The following DMXL2 variants were observed in gnomAD, a reference collection of about 807,000 sequenced individuals.
The protein encoded by DMXL2 is Dmx like 2, also known as dmX-like protein 2.
In DMXL2, 103 loss-of-function variants were observed where a neutral mutation model predicts 331.1. The ratio of observed to expected loss-of-function variants is 0.31; its 90% CI spans 0.27 to 0.37. The LOEUF (loss-of-function observed/expected upper bound fraction) is 0.37. DMXL2 is among the 10% of genes least tolerant of loss of function. DMXL2 has a pLI of 1.00. For missense variants in DMXL2, 3,171 were observed against 3,642.9 expected (o/e 0.87, Z 3.33); for synonymous variants, 1,281 against 1,252.1 (o/e 1.02, Z -0.49).
At chr15:51,485,053 G>C (rs1381552576) in intron 23 of DMXL2, among the ~76,000 whole-genome samples, 1 of 141,424 alleles carries the variant, frequency 7.1e-6, no homozygotes, top group African/African-American at 2.6e-5. Context: ...AAAAAAAAAG[G>C]AAGAAGGAGG....
At chr15:51,566,239 GTGTGTGT>G (rs2050274944) in intron 3 of DMXL2, among the ~76,000 whole-genome samples, 6 of 7,132 alleles carry the variant, frequency 8.4e-4, no homozygotes, top group Admixed American at 2.1e-3. Flanking sequence ...TGGGGTGTGT[GTGTGTGT>G]GTGTGTGTGT....
intron 19 of DMXL2, among the ~76,000 whole-genome samples, chr15:51,492,568 G>A (rs569411762): frequency 2.6e-5 from 4 of 152,014 alleles, no homozygotes; most frequent in East Asian, 3.8e-4. Flanking sequence ...CTTTACTGAC[G>A]CTATTAGACT....
At chr15:51,598,110 T>C (rs1391267542) in intron 1 of DMXL2, among the ~76,000 whole-genome samples, 1 of 152,198 alleles carries the variant, frequency 6.6e-6, no homozygotes, top group East Asian at 1.9e-4. Context: ...AGTTCCTAAT[T>C]TTAAAGTAGT....
intron 6 of DMXL2, among the ~76,000 whole-genome samples, chr15:51,561,608 T>C (rs543724024): frequency 6.6e-6 from 1 of 152,312 alleles, no homozygotes; most frequent in South Asian, 2.1e-4. Flanking sequence ...CCAGTGGTTA[T>C]GGAAAACAGT....
chr15:51,495,751 A>G (rs2043128639), intron 18 of DMXL2, among the ~76,000 whole-genome samples: 1 of 152,168 alleles, frequency 6.6e-6, no homozygotes, highest in African/African-American at 2.4e-5. Context: ...CCACTGCTGG[A>G]TAAAAGCAAA....
intron 36 of DMXL2, chr15:51,457,729 A>C: frequency 2.8e-6 from 1 of 360,120 alleles, no homozygotes; most frequent in Middle Eastern, 7.7e-4. Context: ...GTTGTTATCT[A>C]TGGAAAAATA....
chr15:51,476,105 G>A (rs540190266), intron 27 of DMXL2, among the ~76,000 whole-genome samples: 4 of 152,250 alleles, frequency 2.6e-5, no homozygotes, highest in African/African-American at 9.6e-5. Flanking sequence ...GAGTGGAGAA[G>A]TTTTGAAACA....
chr15:51,526,360 C>G (rs1417520834), intron 13 of DMXL2, among the ~76,000 whole-genome samples: 1 of 152,144 alleles, frequency 6.6e-6, no homozygotes, highest in East Asian at 1.9e-4. Context: ...TGGGGTCCCC[C>G]CAAAGCAGAT....
chr15:51,465,123 T>C (rs1051494510), intron 31 of DMXL2, among the ~76,000 whole-genome samples: 4 of 152,176 alleles, frequency 2.6e-5, no homozygotes, highest in African/African-American at 9.7e-5. Flanking sequence ...AAGCCAGGTG[T>C]GGTGGCTCAC....
chr15:51,608,152 T>C (rs539447533), intron 1 of DMXL2, among the ~76,000 whole-genome samples: 1 of 150,796 alleles, frequency 6.6e-6, no homozygotes, highest in Admixed American at 6.6e-5. Flanking sequence ...ACCACTACAC[T>C]CCAGCCTGGG....
intron 35 of DMXL2, 32 bp from the exon 36 acceptor site, chr15:51,458,659 G>A: frequency 6.2e-7 from 1 of 1,613,830 alleles, no homozygotes; most frequent in Non-Finnish European, 8.5e-7. Context: ...GATGATTTAA[G>A]CAATTTCACT....
At chr15:51,532,036 A>C (rs1316977576) in intron 13 of DMXL2, among the ~76,000 whole-genome samples, 1 of 152,142 alleles carries the variant, frequency 6.6e-6, no homozygotes, top group Non-Finnish European at 1.5e-5. Context: ...TACCCAAAAG[A>C]ACGAAAATTG....
intron 34 of DMXL2, chr15:51,459,031 T>C: frequency 2.1e-6 from 1 of 475,138 alleles, no homozygotes; most frequent in Admixed American, 3.5e-5. Flanking sequence ...GGTAAGATAC[T>C]GATTAATTAT....
In DMXL2 at chr15:51,597,621, G is replaced by A. The variant is rs117242874; in HGVS notation, c.88-21440C>T. Among the ~76,000 whole-genome samples the A allele has an allele frequency of 2.5e-4, 38 of 152,230 alleles. 1 individual carries two copies. The East Asian group carries it at 3.9e-3, about 15-fold the overall frequency. The stretch of plus-strand genomic sequence containing the variant: ...ATGAACATTCTTGTAGGGAAATCTC[G>A]CATACGTGCATGCATTTCTCTAGAA... On this transcript the variant is annotated intron_variant, in intron 1 of 43. Transcript: ENST00000560891.
intron 10 of DMXL2, 61 bp from the exon 11 acceptor site, chr15:51,537,820 A>G (rs2048368223): frequency 1.4e-6 from 2 of 1,475,616 alleles, no homozygotes; most frequent in East Asian, 4.8e-5. Context: ...ATACTAGACT[A>G]TAAATAAATG....
At chr15:51,612,436 T>G (rs2054033609) in intron 1 of DMXL2, among the ~76,000 whole-genome samples, 1 of 152,152 alleles carries the variant, frequency 6.6e-6, no homozygotes, top group Admixed American at 6.5e-5. Flanking sequence ...CTATTTTCCC[T>G]AAGTGTCGGC....
intron 42 of DMXL2, 110 bp from the exon 43 acceptor site, chr15:51,450,456 A>C: frequency 9.8e-7 from 1 of 1,024,234 alleles, no homozygotes; most frequent in Non-Finnish European, 1.5e-6. Flanking sequence ...TTTTCATTCT[A>C]AGGTACATTT....
In DMXL2 at chr15:51,507,247, C is replaced by A. The variant is rs771086816; in HGVS notation, c.2651G>T (p.Arg884Leu). The A allele has an allele frequency of 3.1e-6, 5 of 1,606,796 alleles. No individual in the cohort carries two copies. The highest frequency in any genetic ancestry group is 4.2e-6 in the Non-Finnish European group (5 of 1,177,076). Residue 884 changes from arginine (R) to leucine (L), a missense_variant, in exon 16 of 44, where the codon CGC becomes CTC. Physicochemically the swap from Arg to Leu is moderately radical, Grantham distance 102 (BLOSUM62 -2). Around this residue, in one of 7 missense-constraint regions of DMXL2, gnomAD observed 1,674 missense variants for 1,780.2 expected, o/e 0.94. Transcript: ENST00000560891. ...EIFFQPSQGY[R>L]PPPFSEKFFL... Reference sequence around the variant, plus strand: ...GAACTTTTCTGAAAATGGTGGTGGGCGGTATCCTATTATTCAAAGGAAAAG... The same window carrying A: ...GAACTTTTCTGAAAATGGTGGTGGGAGGTATCCTATTATTCAAAGGAAAAG...
intron 33 of DMXL2, chr15:51,460,663 T>C (rs1439310704): frequency 6.6e-6 from 1 of 152,338 alleles, no homozygotes; most frequent in Non-Finnish European, 1.5e-5. Context: ...TTTTCTGAAT[T>C]TGCCAAATTT....
Sources: gnomAD v4.1 joint callset for allele counts (sites outside exome capture counted in the v4.1 genomes callset) on GRCh38, gnomAD v4.1.1 for gene constraint, gnomAD v4.1.1 regional missense constraint, MANE v1.5 for transcripts, NCBI Gene and HGNC (gene_info 2026-07-23, HGNC 2026-07-21) for gene names.